Variants in LAMC3 observed in about 807,000 individuals in gnomAD.
LAMC3 encodes the protein laminin subunit gamma-3.
A neutral mutation model predicts 173.8 loss-of-function variants in LAMC3; 128 were observed. That is an observed-to-expected ratio of 0.74 (90% CI 0.64 to 0.85). The LOEUF (loss-of-function observed/expected upper bound fraction) is 0.85, where lower values mean the gene tolerates loss of function less well. Among genes scored for constraint, LAMC3 ranks in the 40% least tolerant of loss-of-function variants. The pLI, the probability that LAMC3 is intolerant of heterozygous loss-of-function variation, is 0.00. For missense variants in LAMC3, 2,022 were observed against 2,156.0 expected (o/e 0.94, Z 1.23); for synonymous variants, 897 against 909.1 (o/e 0.99, Z 0.24).
rs142041428 is a variant in LAMC3 at position 131,052,891 on chromosome 9, C to G, written c.1865C>G (p.Pro622Arg). 8.6e-5 allele frequency: 138 copies of G among 1,613,912 alleles called. 1 individual carries two copies. In the Middle Eastern group the frequency reaches 3.0e-3, roughly 35 times the overall value. ...TSEDVAPPLP[P>R]FHFQRLLANL... The stretch of plus-strand genomic sequence containing the variant: ...GAGGACGTGGCCCCTCCACTGCCCC[C>G]CTTCCACTTCCAGCGGCTCCTCGCC... The change falls in exon 11 of 28, where the codon CCC (proline) becomes CGC (arginine). Residue 622 changes from proline (P) to arginine (R), a missense_variant. By Grantham distance (103) the Pro-to-Arg change is moderately radical (BLOSUM62 -2). Transcript: ENST00000361069.
Position 131,072,642 on chromosome 9 carries a change from C to A in LAMC3, c.3224C>A (p.Ala1075Asp). The change falls in exon 19 of 28, where the codon GCC (alanine) becomes GAC (aspartate). Residue 1075 changes from alanine (A) to aspartate (D), a missense_variant. By Grantham distance (126) the Ala-to-Asp change is moderately radical. Coordinates refer to ENST00000361069, the MANE Select transcript of LAMC3 (RefSeq NM_006059.4). ...GGGCTTCCCATAGGGGCTCGGGAAG[C>A]CTTCCTGGAGCAGATGATGAGCCTC... ...GHHLLPGARE[A>D]FLEQMMSLEG... 1 of 1,610,170 alleles carries A rather than the reference C, an allele frequency of 6.2e-7. No homozygotes were observed. The highest frequency in any genetic ancestry group is 8.5e-7 in the Non-Finnish European group (1 of 1,179,532).
intron 14 of LAMC3, among the ~76,000 whole-genome samples, chr9:131,067,739 G>A (rs1418784486): frequency 6.6e-6 from 1 of 152,058 alleles, no homozygotes; most frequent in Non-Finnish European, 1.5e-5. Flanking sequence ...CAGTGGCCAG[G>A]AGAACAGGGT....
Position 131,082,130 on chromosome 9 carries a change from GGGAGCCA to G in LAMC3, c.4003_4009del (p.Ala1335LeufsTer9). ...TCCAGGCTGCGACAGTGACTGTCAT[GGGAGCCA>G]GGACTCTGCTGGCTGATCTGGAAGG... On this transcript the variant is annotated frameshift_variant, in exon 24 of 28. Transcript: ENST00000361069. LOFTEE classifies it high-confidence loss of function. 6.2e-7 allele frequency: 1 copy of G among 1,613,784 alleles called. No individual in the cohort carries two copies. The highest frequency in any genetic ancestry group is 8.5e-7 in the Non-Finnish European group (1 of 1,179,892).
At chr9:131,046,054 TAAC>T (rs753379234) in intron 8 of LAMC3, among the ~76,000 whole-genome samples, 1 of 152,190 alleles carries the variant, frequency 6.6e-6, no homozygotes, top group Admixed American at 6.5e-5. Context: ...GCTGAGCACC[TAAC>T]ATGCAAGGAT....
At chr9:131,018,247 G>T (rs1018063196) in intron 1 of LAMC3, among the ~76,000 whole-genome samples, 1 of 150,746 alleles carries the variant, frequency 6.6e-6, no homozygotes, top group East Asian at 2.0e-4. Flanking sequence ...CGATTCTCAT[G>T]CCTCAGCCTC....
chr9:131,075,196 A>G (rs1830102479), intron 20 of LAMC3, among the ~76,000 whole-genome samples: 1 of 152,148 alleles, frequency 6.6e-6, no homozygotes, highest in African/African-American at 2.4e-5. Context: ...TGAGCCTAGG[A>G]GTTTGAGGTT....
chr9:131,023,133 C>A (rs149721502), intron 1 of LAMC3, among the ~76,000 whole-genome samples: 170 of 152,338 alleles, frequency 1.1e-3, no homozygotes, highest in Non-Finnish European at 1.9e-3. Flanking sequence ...CAATCATATT[C>A]CATCATATGA....
intron 11 of LAMC3, among the ~76,000 whole-genome samples, chr9:131,055,036 A>G (rs1053879255): frequency 6.6e-6 from 1 of 152,130 alleles, no homozygotes; most frequent in African/African-American, 2.4e-5. Flanking sequence ...CCCTATTGAC[A>G]GGCGCTTAAG....
At position 131,072,692 on chromosome 9, in the gene LAMC3, G is replaced by T; in HGVS notation, c.3274G>T (p.Glu1092Ter). The T allele has an allele frequency of 1.2e-6, 2 of 1,612,044 alleles. No homozygotes were observed. The highest frequency in any genetic ancestry group is 1.7e-6 in the Non-Finnish European group (2 of 1,179,882). Residue 1092 changes from glutamate to a stop codon, truncating the protein, a stop_gained, in exon 19 of 28, where the codon GAG becomes TAG. Coordinates refer to ENST00000361069, the MANE Select transcript of LAMC3 (RefSeq NM_006059.4). LOFTEE classifies it high-confidence loss of function. ...SLEGAVKAAR[E>*]QLQRLNKGAR... ...CGAGGGTGCTGTCAAGGCCGCCCGGGAGCAGCTGCAGAGGCTGAACAAGGG... is the reference window on the plus strand; with the variant it reads ...CGAGGGTGCTGTCAAGGCCGCCCGGTAGCAGCTGCAGAGGCTGAACAAGGG...
chr9:131,029,536 G>A lies in LAMC3; in HGVS notation c.679-2509G>A, dbSNP rs1433150852. 1.3e-5 allele frequency among the ~76,000 whole-genome samples: 2 copies of A among 152,208 alleles called. No homozygotes were observed. The highest frequency in any genetic ancestry group is 4.8e-5 in the African/African-American group (2 of 41,454). On this transcript the variant is annotated intron_variant, in intron 2 of 27. Coordinates refer to ENST00000361069, the MANE Select transcript of LAMC3 (RefSeq NM_006059.4). This position sits in a 1 kb window ranked among gnomAD's most constrained non-coding sequence, Gnocchi z 4.6. ...CCTTTTGAGAAATATCTCCCCTGCT[G>A]CTTCTGGACAGAAACCAAGAGCAGA...
In LAMC3 at chr9:131,026,248, C is replaced by T. The variant is rs1833712934; in HGVS notation, c.374-37C>T. Reference sequence around the variant, plus strand: ...TAGACCAGGATTCCATACCTCCTTCCCCTTCCATAAAATGGGCCCCGTTTT... The same window carrying T: ...TAGACCAGGATTCCATACCTCCTTCTCCTTCCATAAAATGGGCCCCGTTTT... On this transcript the variant is annotated intron_variant, in intron 1 of 27. Transcript: ENST00000361069. This position sits in a 1 kb window ranked among gnomAD's most constrained non-coding sequence, Gnocchi z 4.8. 2 of 1,613,110 alleles carry T rather than the reference C, an allele frequency of 1.2e-6. No homozygotes were observed. Among genetic ancestry groups the T allele is most frequent in the African/African-American group, 1.3e-5 (1 of 74,922 alleles).
In LAMC3 at chr9:131,009,564, C is replaced by T; in HGVS notation, c.350C>T (p.Ser117Leu). ...SMAFGVQYPT[S>L]VNITLRLGKA... The stretch of plus-strand genomic sequence containing the variant: ...GCCTTCGGCGTGCAGTACCCCACCT[C>T]GGTCAACATCACCCTCCGCCTAGGT... Residue 117 changes from serine (S) to leucine (L), a missense_variant, in exon 1 of 28, where the codon TCG becomes TTG. Ser to Leu is a moderately radical substitution (Grantham distance 145, BLOSUM62 -2). Transcript: ENST00000361069. This position sits in a 1 kb window ranked among gnomAD's most constrained non-coding sequence, Gnocchi z 4.3. 2.5e-6 allele frequency: 4 copies of T among 1,572,086 alleles called. No homozygotes were observed. Among genetic ancestry groups the T allele is most frequent in the South Asian group, 1.2e-5 (1 of 85,350 alleles).
Position 131,061,130 on chromosome 9 carries a change from T to C in LAMC3, c.2254T>C (p.Cys752Arg). The change falls in exon 13 of 28, where the codon TGC (cysteine) becomes CGC (arginine). Residue 752 changes from cysteine (C) to arginine (R), a missense_variant. Transcript: ENST00000361069. Reference protein sequence around the residue: ...GNPFAGQADDCQPCPCPGQSA... With the variant: ...GNPFAGQADDRQPCPCPGQSA... ...CCCTTTCGCGGGCCAAGCCGACGACTGCCAGCCCTGTCCCTGCCCTGGCCA... is the reference window on the plus strand; with the variant it reads ...CCCTTTCGCGGGCCAAGCCGACGACCGCCAGCCCTGTCCCTGCCCTGGCCA... 4 of 1,613,786 alleles carry C rather than the reference T, an allele frequency of 2.5e-6. No homozygotes were observed. The highest frequency in any genetic ancestry group is 3.4e-6 in the Non-Finnish European group (4 of 1,180,024).
In LAMC3 at chr9:131,068,075, C is replaced by T; in HGVS notation, c.2594-3C>T. On this transcript the variant is annotated splice_region_variant and splice_polypyrimidine_tract_variant and intron_variant, in intron 14 of 27. Coordinates refer to ENST00000361069, the MANE Select transcript of LAMC3 (RefSeq NM_006059.4). The stretch of plus-strand genomic sequence containing the variant: ...CAACACCCCTTCCTGCTCCTGCCCC[C>T]AGCTTGCAGCTGTCACCCACAGGGC... The T allele has an allele frequency of 6.2e-7, 1 of 1,610,110 alleles. No individual in the cohort carries two copies. The highest frequency in any genetic ancestry group is 8.5e-7 in the Non-Finnish European group (1 of 1,180,022).
chr9:131,085,929 A>T (rs1252796018), intron 25 of LAMC3: 2 of 639,104 alleles, frequency 3.1e-6, no homozygotes, highest in East Asian at 5.6e-5. Context: ...TGTACAGGTG[A>T]GAATGCTGAG....
intron 3 of LAMC3, among the ~76,000 whole-genome samples, chr9:131,033,487 G>A (rs535049972): frequency 2.0e-4 from 31 of 152,216 alleles, no homozygotes; most frequent in Admixed American, 3.9e-4. Flanking sequence ...ACTAGGGGAC[G>A]GCCAACGTGG....
intron 1 of LAMC3, among the ~76,000 whole-genome samples, chr9:131,024,968 A>G (rs1588139408): frequency 6.6e-6 from 1 of 152,042 alleles, no homozygotes; most frequent in East Asian, 1.9e-4. Flanking sequence ...AGGAGGGGGT[A>G]CCTGGATGGA....
At chr9:131,013,735 G>A (rs952617556) in intron 1 of LAMC3, among the ~76,000 whole-genome samples, 1 of 152,184 alleles carries the variant, frequency 6.6e-6, no homozygotes, top group East Asian at 1.9e-4. Context: ...GATGTTCTTC[G>A]ACCTGCCGGG....
chr9:131,076,981 G>A (rs977545658), intron 21 of LAMC3, among the ~76,000 whole-genome samples: 2 of 152,264 alleles, frequency 1.3e-5, no homozygotes, highest in African/African-American at 2.4e-5. Flanking sequence ...AAACAAGAAT[G>A]TGGCCCTTTC....
Sources: gnomAD v4.1 joint callset for allele counts (sites outside exome capture counted in the v4.1 genomes callset) on GRCh38, gnomAD v4.1.1 for gene constraint, Gnocchi (gnomAD v3.1) non-coding constraint, MANE v1.5 for transcripts, NCBI Gene and HGNC (gene_info 2026-07-23, HGNC 2026-07-21) for gene names.